Variants in LMBR1 observed in about 807,000 individuals in gnomAD.
LMBR1 encodes the protein limb development membrane protein 1.
LMBR1 carries 52 observed loss-of-function variants against 73.9 expected under a neutral mutation model. The observed-to-expected ratio is 0.70, with a 90% CI of 0.56 to 0.89. The LOEUF (loss-of-function observed/expected upper bound fraction) is 0.89, where lower values mean the gene tolerates loss of function less well. Ranked by LOEUF, LMBR1 falls within the 40% of genes least tolerant of loss-of-function variation. The pLI is 0.00. For missense variants in LMBR1, 539 were observed against 579.8 expected, an observed-to-expected ratio of 0.93 and a Z score of 0.72; for synonymous variants, 215 against 209.4, an observed-to-expected ratio of 1.03 and a Z score of -0.23.
chr7:156,872,136 T>C (rs1353573570), intron 1 of LMBR1: 2 of 152,130 alleles, frequency 1.3e-5, no homozygotes, highest in Admixed American at 6.6e-5. Flanking sequence ...TGATTACTGC[T>C]GATGGAAAAC....
chr7:156,691,542 T>G (rs10245051), intron 15 of LMBR1, among the ~76,000 whole-genome samples: 13,328 of 152,228 alleles, frequency 0.088, 918 homozygotes, highest in African/African-American at 0.18. Flanking sequence ...TGAGTAAACT[T>G]CTACTTTTAG....
At chr7:156,803,978 C>T in intron 4 of LMBR1, among the ~76,000 whole-genome samples, 1 of 125,760 alleles carries the variant, frequency 8.0e-6, no homozygotes, top group Admixed American at 1.0e-4. Flanking sequence ...GAATATCACA[C>T]ACCGGGGACT....
chr7:156,810,025 A>C (rs1293051273), intron 4 of LMBR1, among the ~76,000 whole-genome samples: 1 of 152,020 alleles, frequency 6.6e-6, no homozygotes, highest in East Asian at 1.9e-4. Flanking sequence ...GTGTTAGCCC[A>C]CTTTGCATTG....
chr7:156,874,426 C>T (rs1271136805), intron 1 of LMBR1, among the ~76,000 whole-genome samples: 2 of 152,238 alleles, frequency 1.3e-5, no homozygotes, highest in Admixed American at 6.5e-5. Context: ...GCTCCAGCCT[C>T]GGCCCACCCA....
chr7:156,744,510 T>C (rs1041028541), intron 9 of LMBR1, among the ~76,000 whole-genome samples: 13 of 152,194 alleles, frequency 8.5e-5, no homozygotes, highest in African/African-American at 2.9e-4. Context: ...ATTTACCTAC[T>C]TTTCCTACTT....
At chr7:156,882,768 C>G (rs952017123) in intron 1 of LMBR1, among the ~76,000 whole-genome samples, 2 of 152,246 alleles carry the variant, frequency 1.3e-5, no homozygotes, top group African/African-American at 4.8e-5. Flanking sequence ...CGCAGTGGCT[C>G]ACGCCTGTAA....
intron 9 of LMBR1, among the ~76,000 whole-genome samples, chr7:156,741,235 A>AAAG (rs1461441535): frequency 1.8e-4 from 27 of 152,312 alleles, no homozygotes; most frequent in Admixed American, 1.8e-3. Flanking sequence ...GACAGGAAGG[A>AAAG]AAGAAGAGAA....
At chr7:156,719,396 A>G (rs113225077) in intron 15 of LMBR1, among the ~76,000 whole-genome samples, 3 of 151,818 alleles carry the variant, frequency 2.0e-5, no homozygotes, top group African/African-American at 4.8e-5. Context: ...GGACATTTGG[A>G]TTGGTTCCAA....
At chr7:156,764,510 C>T (rs561714771) in intron 5 of LMBR1, among the ~76,000 whole-genome samples, 7 of 152,014 alleles carry the variant, frequency 4.6e-5, no homozygotes, top group African/African-American at 7.2e-5. Flanking sequence ...AAAAAGAAAC[C>T]GCTTTTACTC....
intron 15 of LMBR1, among the ~76,000 whole-genome samples, chr7:156,710,737 A>T (rs1811904249): frequency 6.6e-6 from 1 of 152,230 alleles, no homozygotes; most frequent in Admixed American, 6.5e-5. Flanking sequence ...TCTAAAGTCA[A>T]AACGAAGGAA....
chr7:156,704,136 C>G (rs1810400472), intron 15 of LMBR1, among the ~76,000 whole-genome samples: 1 of 152,124 alleles, frequency 6.6e-6, no homozygotes, highest in Non-Finnish European at 1.5e-5. Context: ...ACACAGAGGC[C>G]CAAGAAATAG....
intron 1 of LMBR1, among the ~76,000 whole-genome samples, chr7:156,891,190 C>CAAAAAAA (rs58107543): frequency 1.3e-3 from 26 of 20,662 alleles, no homozygotes; most frequent in Admixed American, 1.6e-3. Flanking sequence ...GACTCCATCA[C>CAAAAAAA]AAAAAAAAAA....
At chr7:156,766,039 G>A (rs1288154148) in intron 5 of LMBR1, among the ~76,000 whole-genome samples, 4 of 152,066 alleles carry the variant, frequency 2.6e-5, no homozygotes, top group African/African-American at 4.8e-5. Flanking sequence ...ATAAAATTTA[G>A]ACTTCCTTTG....
At chr7:156,874,106 G>A (rs1297143177) in intron 1 of LMBR1, among the ~76,000 whole-genome samples, 1 of 152,250 alleles carries the variant, frequency 6.6e-6, no homozygotes, top group Admixed American at 6.5e-5. Flanking sequence ...TGGAGTGGGT[G>A]GGAGGCTCAG....
chr7:156,797,449 A>G (rs1394551730), intron 4 of LMBR1, among the ~76,000 whole-genome samples: 1 of 152,250 alleles, frequency 6.6e-6, no homozygotes, highest in Non-Finnish European at 1.5e-5. Context: ...TGCCATTATA[A>G]TTCAATGTTT....
chr7:156,822,124 G>C (rs902390768), intron 4 of LMBR1: 1 of 152,082 alleles, frequency 6.6e-6, no homozygotes, highest in African/African-American at 2.4e-5. Context: ...TTAAAACCTA[G>C]TAGGAGCAAA....
intron 15 of LMBR1, among the ~76,000 whole-genome samples, chr7:156,693,237 T>C (rs1807592978): frequency 6.6e-6 from 1 of 151,634 alleles, no homozygotes; most frequent in East Asian, 1.9e-4. Context: ...CAAAGAAGTA[T>C]AATAATCTCA....
intron 9 of LMBR1, among the ~76,000 whole-genome samples, chr7:156,741,240 A>C (rs1818834870): frequency 6.6e-6 from 1 of 152,140 alleles, no homozygotes; most frequent in South Asian, 2.1e-4. Context: ...GAAGGAAAGA[A>C]GAGAAGACTA....
chr7:156,702,035 G>C (rs758601794), intron 15 of LMBR1, among the ~76,000 whole-genome samples: 34 of 152,154 alleles, frequency 2.2e-4, no homozygotes, highest in Non-Finnish European at 4.4e-4. Context: ...TCACAGATGG[G>C]CATTTGGGTT....
Sources: gnomAD v4.1 joint callset for allele counts (sites outside exome capture counted in the v4.1 genomes callset) on GRCh38, gnomAD v4.1.1 for gene constraint, MANE v1.5 for transcripts, NCBI Gene and HGNC (gene_info 2026-07-23, HGNC 2026-07-21) for gene names.